Variants in NRN1 observed in about 807,000 individuals in gnomAD.
NRN1 encodes neuritin 1.
A neutral mutation model predicts 15.0 loss-of-function variants in NRN1; 4 were observed. The ratio of observed to expected loss-of-function variants is 0.27; its 90% CI spans 0.13 to 0.61. The LOEUF (loss-of-function observed/expected upper bound fraction) is 0.61, where lower values mean the gene tolerates loss of function less well. NRN1 is among the 20% of genes least tolerant of loss of function. The probability of loss-of-function intolerance (pLI) is 0.87; values close to 1 mark genes in which losing one functional copy is unlikely to be tolerated. For synonymous variants in NRN1, 85 were observed against 79.8 expected (o/e 1.07, Z -0.35); for missense variants, 134 against 181.9 (o/e 0.74, Z 1.51).
intron 2 of NRN1, among the ~76,000 whole-genome samples, chr6:5,999,755 T>C (rs1236215126): frequency 6.6e-6 from 1 of 152,134 alleles, no homozygotes; most frequent in Admixed American, 6.5e-5. Context: ...CTCCACCTAC[T>C]ACCTCTTCCT....
intron 1 of NRN1, chr6:6,003,352 G>T: frequency 2.5e-6 from 2 of 808,038 alleles, no homozygotes; most frequent in African/African-American, 1.8e-5. Context: ...CCAAATCCAC[G>T]AACCTCGGGC....
chr6:6,000,152 G>A (rs1373211379), intron 2 of NRN1, among the ~76,000 whole-genome samples: 1 of 152,168 alleles, frequency 6.6e-6, no homozygotes, highest in African/African-American at 2.4e-5. Flanking sequence ...CGGGGAAGGC[G>A]TGGTGCCCAC....
rs577886652 is a variant in NRN1 at position 6,003,031 on chromosome 6, G to A, written c.56-534C>T. The A allele has an allele frequency of 2.3e-4, 110 of 487,006 alleles. 3 individuals are homozygous for A. In the South Asian group the frequency reaches 0.011, roughly 47 times the overall value. The allele number at this position is 487,006 out of a possible 1,614,324, so 30.2% of individuals were successfully genotyped here. A position where few individuals can be genotyped will look rare whatever the true frequency, so the allele number is the denominator to read the frequency against. ...GCAGCTGAACCCAACGCCACATCAC[G>A]AGAATAAGCCTCAGGCTTGGCGCTC... On this transcript the variant is annotated intron_variant, in intron 1 of 2. Coordinates refer to ENST00000244766, the MANE Select transcript of NRN1 (RefSeq NM_016588.3).
intron 2 of NRN1, 88 bp downstream of exon 2, chr6:6,002,265 C>G: frequency 6.6e-7 from 1 of 1,505,138 alleles, no homozygotes; most frequent in Non-Finnish European, 9.1e-7. Flanking sequence ...TGGCGCTGAA[C>G]GCTGAGCGCA....
At chr6:6,001,652 G>A (rs1030049519) in intron 2 of NRN1, among the ~76,000 whole-genome samples, 1 of 152,162 alleles carries the variant, frequency 6.6e-6, no homozygotes, top group Admixed American at 6.6e-5. Flanking sequence ...TCCAAATCTC[G>A]GAATCTGCTG....
chr6:6,002,454 C>A lies in NRN1; in HGVS notation c.99G>T (p.Ala33=). ...QAVRAAGKCD[A]VFKGFSDCLL... The stretch of plus-strand genomic sequence containing the variant: ...AACAGTCCGAAAAGCCCTTGAAGAC[C>A]GCATCGCACTTGCCCGCTGCTCTCA... Residue 33 remains alanine, a synonymous_variant, in exon 2 of 3, where the codon GCG becomes GCT. Transcript: ENST00000244766. 2 of 1,614,196 alleles carry A rather than the reference C, an allele frequency of 1.2e-6. No individual in the cohort carries two copies. The highest frequency in any genetic ancestry group is 1.7e-6 in the Non-Finnish European group (2 of 1,180,018).
chr6:6,006,224 A>G (rs1323146288), intron 1 of NRN1, among the ~76,000 whole-genome samples: 1 of 152,214 alleles, frequency 6.6e-6, no homozygotes, highest in Non-Finnish European at 1.5e-5. Flanking sequence ...GGAGAATGAC[A>G]AAGTTCTAAA....
intron 1 of NRN1, chr6:6,003,877 G>A (rs1173258211): frequency 6.5e-6 from 8 of 1,231,234 alleles, no homozygotes; most frequent in Non-Finnish European, 8.1e-6. Context: ...CCGCACTGGC[G>A]CCCACGACCC....
chr6:5,999,274 C>A (rs1369250265), intron 2 of NRN1, 70 bp from the exon 3 acceptor site: 1 of 1,368,278 alleles, frequency 7.3e-7, no homozygotes, highest in East Asian at 2.3e-5. Context: ...CGGGCTTGCG[C>A]CCCTGCGCCT....
At chr6:6,000,811 G>A (rs1295758862) in intron 2 of NRN1, among the ~76,000 whole-genome samples, 2 of 141,294 alleles carry the variant, frequency 1.4e-5, no homozygotes, top group Admixed American at 7.4e-5. Flanking sequence ...ACTCCACCTG[G>A]GGCTGGGCAG....
chr6:6,005,119 C>T (rs1758073358), intron 1 of NRN1, among the ~76,000 whole-genome samples: 1 of 152,150 alleles, frequency 6.6e-6, no homozygotes, highest in Non-Finnish European at 1.5e-5. Flanking sequence ...TCAGGCACGA[C>T]CACCGTCTTT....
At chr6:6,002,939 GA>G in intron 1 of NRN1, 1 of 402,276 alleles carries the variant, frequency 2.5e-6, no homozygotes, top group Admixed American at 4.2e-5. Flanking sequence ...TGAGGTGACA[GA>G]AGGGGTCTCG....
intron 1 of NRN1, among the ~76,000 whole-genome samples, chr6:6,006,034 A>G (rs1356927621): frequency 2.0e-5 from 3 of 152,262 alleles, no homozygotes; most frequent in South Asian, 2.1e-4. Context: ...TGTGTAAAGT[A>G]GCAGGCAAAT....
intron 2 of NRN1, among the ~76,000 whole-genome samples, chr6:5,999,740 T>C (rs1379355282): frequency 6.6e-6 from 1 of 152,088 alleles, no homozygotes; most frequent in East Asian, 1.9e-4. Context: ...GCCCTCATTC[T>C]CTCCCTCCAC....
chr6:5,998,977 C>T lies in NRN1; in HGVS notation c.428G>A (p.Ter143=), dbSNP rs1428556207. 2 of 1,608,594 alleles carry T rather than the reference C, an allele frequency of 1.2e-6. No individual in the cohort carries two copies. Among genetic ancestry groups the T allele is most frequent in the Non-Finnish European group, 1.7e-6 (2 of 1,177,870 alleles). ...SAALATWLSF[*] Reference sequence around the variant, plus strand: ...GCGCGGGGGGAGCTGGCCCCACGCTCAGAAGGAAAGCCAGGTCGCTAAAGC... The same window carrying T: ...GCGCGGGGGGAGCTGGCCCCACGCTTAGAAGGAAAGCCAGGTCGCTAAAGC... The change falls in exon 3 of 3, where the codon TGA becomes TAA. Residue 143 remains the stop codon, a stop_retained_variant. Coordinates refer to ENST00000244766, the MANE Select transcript of NRN1 (RefSeq NM_016588.3).
At chr6:6,004,777 A>G (rs1477658540) in intron 1 of NRN1, among the ~76,000 whole-genome samples, 1 of 151,978 alleles carries the variant, frequency 6.6e-6, no homozygotes, top group South Asian at 2.1e-4. Context: ...CTAGCGGGTG[A>G]CCCTGGCTCC....
intron 2 of NRN1, among the ~76,000 whole-genome samples, chr6:6,000,658 G>C (rs1208069713): frequency 1.3e-5 from 2 of 151,410 alleles, no homozygotes; most frequent in Non-Finnish European, 1.5e-5. Flanking sequence ...AGGAGGCCCA[G>C]GGAGGACAGC....
Position 5,998,770 on chromosome 6 carries a change from G to C in NRN1, c.*206C>G. 1 of 577,830 alleles carries C rather than the reference G, an allele frequency of 1.7e-6. No individual in the cohort carries two copies. Among genetic ancestry groups the C allele is most frequent in the East Asian group, 2.8e-5 (1 of 35,306 alleles). The allele number at this position is 577,830 out of a possible 1,614,324, so 35.8% of individuals were successfully genotyped here. ...GGTCCGATTTTGGCTGTGCTTGCTTGCTCACTGATTGGTAACATTTGGCAA... is the reference window on the plus strand; with the variant it reads ...GGTCCGATTTTGGCTGTGCTTGCTTCCTCACTGATTGGTAACATTTGGCAA... On this transcript the variant is annotated 3_prime_UTR_variant, in exon 3 of 3. Transcript: ENST00000244766.
Position 5,999,239 on chromosome 6 carries a change from T to C in NRN1, c.201-35A>G, listed in dbSNP as rs200156938. 3.2e-6 allele frequency: 5 copies of C among 1,567,502 alleles called. No homozygotes were observed. The East Asian group carries it at 1.1e-4, about 35-fold the overall frequency. Reference sequence around the variant, plus strand: ...AACAGAACAAAACAGAACAAGCAGGTTCACTTGGGACGCCGGGAACACCCC... The same window carrying C: ...AACAGAACAAAACAGAACAAGCAGGCTCACTTGGGACGCCGGGAACACCCC... On this transcript the variant is annotated intron_variant, in intron 2 of 2. Coordinates refer to ENST00000244766, the MANE Select transcript of NRN1 (RefSeq NM_016588.3).
Sources: gnomAD v4.1 joint callset for allele counts (sites outside exome capture counted in the v4.1 genomes callset) on GRCh38, gnomAD v4.1.1 for gene constraint, MANE v1.5 for transcripts, NCBI Gene and HGNC (gene_info 2026-07-23, HGNC 2026-07-21) for gene names.